ACOXL: variants seen among roughly 807,000 people sequenced by gnomAD.
The protein encoded by ACOXL is acyl-coenzyme A oxidase-like protein.
Under a neutral mutation model 71.9 loss-of-function variants are expected in ACOXL, and 70 were observed. The observed-to-expected ratio is 0.97, with a 90% CI of 0.80 to 1.19. The LOEUF is 1.19. Among genes scored for constraint, ACOXL ranks in the 50% most tolerant of loss-of-function variants. The probability of loss-of-function intolerance (pLI) is 0.00; values close to 1 mark genes in which losing one functional copy is unlikely to be tolerated. For synonymous variants in ACOXL, 253 were observed against 281.6 expected, an observed-to-expected ratio of 0.90 and a Z score of 1.02; for missense variants, 703 against 736.3, an observed-to-expected ratio of 0.95 and a Z score of 0.52.
At chr2:110,891,623 G>T (rs1697937472) in intron 10 of ACOXL, among the ~76,000 whole-genome samples, 1 of 151,888 alleles carries the variant, frequency 6.6e-6, no homozygotes, top group African/African-American at 2.4e-5. Flanking sequence ...CTGAAATTTA[G>T]ATCTTCCTCC....
rs765858186 is a variant in ACOXL, at chr2:110,795,434, GT to G, written c.345+1263del. On this transcript the variant is annotated intron_variant, in intron 5 of 17. Coordinates refer to ENST00000439055, the MANE Select transcript of ACOXL (RefSeq NM_001142807.4). Reference sequence around the variant, plus strand: ...AAACTCCCTCTGTGTAGTATTCTATGTTTCCCCCCAGCAACAGTCCCAGGAA... The same window carrying G: ...AAACTCCCTCTGTGTAGTATTCTATGTTCCCCCCAGCAACAGTCCCAGGAA... Among the ~76,000 whole-genome samples, 65 of 152,292 alleles carry G rather than the reference GT, an allele frequency of 4.3e-4. 1 individual carries two copies. The highest frequency in any genetic ancestry group is 2.0e-3 in the Admixed American group (31 of 15,302).
intron 14 of ACOXL, among the ~76,000 whole-genome samples, chr2:110,996,741 T>C (rs1481778792): frequency 1.3e-5 from 2 of 152,154 alleles, no homozygotes; most frequent in African/African-American, 4.8e-5. Context: ...GTTCACCCCT[T>C]TTTATATGAA....
intron 16 of ACOXL, among the ~76,000 whole-genome samples, chr2:111,089,887 T>G (rs1428119053): frequency 6.6e-6 from 1 of 152,202 alleles, no homozygotes; most frequent in African/African-American, 2.4e-5. Flanking sequence ...CTTTTAGTTT[T>G]ATAAGACACC....
chr2:110,740,738 C>T (rs565519255), intron 1 of ACOXL, among the ~76,000 whole-genome samples: 17 of 152,298 alleles, frequency 1.1e-4, no homozygotes, highest in South Asian at 2.1e-4. Flanking sequence ...CAGCCTGGGA[C>T]AGGATCCCTG....
At chr2:111,028,638 C>G (rs1166453121) in intron 14 of ACOXL, among the ~76,000 whole-genome samples, 4 of 152,012 alleles carry the variant, frequency 2.6e-5, no homozygotes, top group South Asian at 2.1e-4. Flanking sequence ...TTTGTAGATC[C>G]TCTGCAGGAA....
intron 16 of ACOXL, among the ~76,000 whole-genome samples, chr2:111,064,393 G>A (rs932879829): frequency 5.1e-5 from 7 of 136,822 alleles, no homozygotes; most frequent in South Asian, 2.4e-4. Context: ...CCGAGATTGC[G>A]CCACTGCAGC....
At chr2:111,055,609 G>C (rs767059683) in intron 16 of ACOXL, among the ~76,000 whole-genome samples, 3 of 152,224 alleles carry the variant, frequency 2.0e-5, no homozygotes, top group Non-Finnish European at 4.4e-5. Flanking sequence ...GCTGCCCGTT[G>C]TGGCCACACA....
chr2:110,995,102 T>G (rs1044708181), intron 13 of ACOXL, among the ~76,000 whole-genome samples: 8 of 151,762 alleles, frequency 5.3e-5, no homozygotes, highest in African/African-American at 1.9e-4. Context: ...ATTATTAATA[T>G]CCAATTATAA....
chr2:110,767,941 C>T (rs1446262841), intron 1 of ACOXL, among the ~76,000 whole-genome samples: 1 of 136,448 alleles, frequency 7.3e-6, no homozygotes, highest in African/African-American at 2.9e-5. Context: ...CACACACACA[C>T]ACACACACAC....
At position 110,774,046 on chromosome 2, in the gene ACOXL, C is replaced by T. The variant is rs567700089; in HGVS notation, c.75+5582C>T. ...ACTGCAACCATTCTGCATTAAAAAA[C>T]ACCCTTTTCAATCTAAGCCTTCATT... On this transcript the variant is annotated intron_variant, in intron 2 of 17. Transcript: ENST00000439055. Among the ~76,000 whole-genome samples the T allele has an allele frequency of 2.2e-4, 33 of 152,344 alleles. 1 individual carries two copies. Among genetic ancestry groups the T allele is most frequent in the South Asian group, 8.3e-4 (4 of 4,828 alleles).
Position 110,938,707 on chromosome 2 carries a change from A to AAATG in ACOXL, c.1059+5084_1059+5087dup, listed in dbSNP as rs113241463. On this transcript the variant is annotated intron_variant, in intron 12 of 17. Coordinates refer to ENST00000439055, the MANE Select transcript of ACOXL (RefSeq NM_001142807.4). The stretch of plus-strand genomic sequence containing the variant: ...TGAATGAATGAATGAATGAACGAAT[A>AAATG]AATGAATGAATGAATGAATGAAAGA... Among the ~76,000 whole-genome samples, 1,253 of 149,128 alleles carry AAATG rather than the reference A, an allele frequency of 8.4e-3. 19 individuals are homozygous for AAATG. Among genetic ancestry groups the AAATG allele is most frequent in the African/African-American group, 0.028 (1,178 of 41,416 alleles).
intron 14 of ACOXL, among the ~76,000 whole-genome samples, chr2:111,012,128 T>G (rs566250605): frequency 4.6e-5 from 7 of 152,360 alleles, no homozygotes; most frequent in South Asian, 4.1e-4. Flanking sequence ...TTTATTGTGC[T>G]TTGTTTTATT....
At chr2:110,935,170 A>G (rs963124919) in intron 12 of ACOXL, among the ~76,000 whole-genome samples, 10 of 152,064 alleles carry the variant, frequency 6.6e-5, no homozygotes, top group African/African-American at 1.7e-4. Flanking sequence ...GTGTTGGGGC[A>G]CTGCTGGGGG....
chr2:110,895,660 A>G (rs2058977722), intron 10 of ACOXL, among the ~76,000 whole-genome samples: 2 of 145,020 alleles, frequency 1.4e-5, no homozygotes, highest in Admixed American at 1.4e-4. Context: ...AAAAATCTTG[A>G]AAACAATAGA....
chr2:111,049,288 G>A lies in ACOXL; in HGVS notation c.1440G>A (p.Lys480=). 1.2e-6 allele frequency: 2 copies of A among 1,604,748 alleles called. 1 individual carries two copies. The highest frequency in any genetic ancestry group is 2.2e-5 in the South Asian group (2 of 90,858). Reference sequence around the variant, plus strand: ...AAGAGGACCAGACTTTGTTAATGAAGGTAGGTTATCAGATAAAGAACTTAT... The same window carrying A: ...AAGAGGACCAGACTTTGTTAATGAAAGTAGGTTATCAGATAAAGAACTTAT... ...PDQEDQTLLM[K]FCLLYGTKLV... Residue 480 remains lysine (K), a splice_region_variant and synonymous_variant, in exon 16 of 18, where the codon AAG becomes AAA. Coordinates refer to ENST00000439055, the MANE Select transcript of ACOXL (RefSeq NM_001142807.4).
intron 10 of ACOXL, among the ~76,000 whole-genome samples, chr2:110,855,143 C>T (rs1693081933): frequency 1.3e-5 from 2 of 152,328 alleles, no homozygotes; most frequent in African/African-American, 4.8e-5. Context: ...ATACTTCTTA[C>T]ATCTTTTTTG....
chr2:111,088,975 T>G (rs2068371741), intron 16 of ACOXL, among the ~76,000 whole-genome samples: 1 of 152,192 alleles, frequency 6.6e-6, no homozygotes, highest in African/African-American at 2.4e-5. Context: ...CCTTCCTTTC[T>G]TATACTTCCT....
At chr2:111,094,940 G>A (rs1208462157) in intron 17 of ACOXL, among the ~76,000 whole-genome samples, 3 of 152,086 alleles carry the variant, frequency 2.0e-5, no homozygotes, top group South Asian at 2.1e-4. Context: ...CAGGGTGGTC[G>A]AATGTTTTAT....
chr2:110,768,351 G>T lies in ACOXL; in HGVS notation c.-22-17G>T, dbSNP rs548999509. The T allele has an allele frequency of 3.1e-6, 5 of 1,606,720 alleles. No homozygotes were observed. The South Asian group carries it at 4.4e-5, about 14-fold the overall frequency. ...CACCAATTATTGGCTGTCTTATTTT[G>T]TATCTGTTCTTCACAGGTATGATTT... On this transcript the variant is annotated splice_polypyrimidine_tract_variant and intron_variant, in intron 1 of 17. Coordinates refer to ENST00000439055, the MANE Select transcript of ACOXL (RefSeq NM_001142807.4).
Sources: allele counts gnomAD v4.1 joint callset (sites outside exome capture counted in the v4.1 genomes callset), GRCh38; gene constraint gnomAD v4.1.1; transcripts MANE v1.5; gene names NCBI Gene and HGNC (gene_info 2026-07-23, HGNC 2026-07-21).